The following ARHGAP25 variants were observed in gnomAD, a reference collection of about 807,000 sequenced individuals.
The protein encoded by ARHGAP25 is rho GTPase-activating protein 25.
Under a neutral mutation model 71.0 loss-of-function variants are expected in ARHGAP25, and 34 were observed. The ratio of observed to expected loss-of-function variants is 0.48; its 90% CI spans 0.36 to 0.64. The LOEUF (loss-of-function observed/expected upper bound fraction) is 0.64, where lower values mean the gene tolerates loss of function less well. ARHGAP25 is among the 30% of genes least tolerant of loss of function. The probability of loss-of-function intolerance (pLI) is 0.00; values close to 1 mark genes in which losing one functional copy is unlikely to be tolerated. For missense variants in ARHGAP25, 706 were observed against 805.1 expected, an observed-to-expected ratio of 0.88 and a Z score of 1.49; for synonymous variants, 282 against 296.5, an observed-to-expected ratio of 0.95 and a Z score of 0.50.
chr2:68,735,144 C>G lies in ARHGAP25; in HGVS notation c.-56C>G. On this transcript the variant is annotated 5_prime_UTR_variant, in exon 1 of 11. Transcript: ENST00000409202. ...GGAAAGAGTGAAAAGACAAGAAGGG[C>G]GCAAACTGTGACAGACTCACCGCTT... is the stretch of plus-strand genomic sequence containing the variant. 1 of 1,425,208 alleles carries G rather than the reference C, an allele frequency of 7.0e-7. No homozygotes were observed. The highest frequency in any genetic ancestry group is 9.9e-7 in the Non-Finnish European group (1 of 1,008,482). The allele number at this position is 1,425,208 out of a possible 1,614,324, so 88.3% of individuals were successfully genotyped here.
At chr2:68,775,453 G>A (rs550691367) in intron 2 of ARHGAP25, 33 bp downstream of exon 2, 4 of 1,613,352 alleles carry the variant, frequency 2.5e-6, no homozygotes, top group African/African-American at 2.7e-5. Context: ...CGTTCATAAG[G>A]CACGGAGGAG....
At chr2:68,727,365 C>G (rs879743981) in intron 2 of ARHGAP25, among the ~76,000 whole-genome samples, 3 of 152,174 alleles carry the variant, frequency 2.0e-5, no homozygotes, top group Admixed American at 2.0e-4. Flanking sequence ...CTTCTTAAAT[C>G]TATTAGAAGG....
At chr2:68,799,162 TG>T (rs1307228768) in intron 4 of ARHGAP25, among the ~76,000 whole-genome samples, 2 of 151,232 alleles carry the variant, frequency 1.3e-5, no homozygotes, top group African/African-American at 4.9e-5. Flanking sequence ...TGCCAGGGGG[TG>T]GGAGTGAATT....
chr2:68,798,599 G>A (rs1679743799), intron 4 of ARHGAP25, among the ~76,000 whole-genome samples: 1 of 151,996 alleles, frequency 6.6e-6, no homozygotes, highest in Non-Finnish European at 1.5e-5. Context: ...AAGAGCCAAG[G>A]GAAAACATAG....
At chr2:68,740,540 T>C (rs1675467078) in intron 1 of ARHGAP25, among the ~76,000 whole-genome samples, 1 of 152,180 alleles carries the variant, frequency 6.6e-6, no homozygotes. Flanking sequence ...GGGTCTCCCT[T>C]ACCACCACCA....
Position 68,735,035 on chromosome 2 carries a change from A to T in ARHGAP25, c.-165A>T. 1.5e-6 allele frequency: 1 copy of T among 667,356 alleles called. No individual in the cohort carries two copies. The highest frequency in any genetic ancestry group is 2.7e-6 in the Non-Finnish European group (1 of 370,298). 41.3% of individuals were successfully genotyped at this position (667,356 alleles called of 1,614,324 possible). ...GACCTTTCATCTAAGAGAAAGGAGGAGACACGTTGGCAAATCAGCCTCAAG... is the reference window on the plus strand; with the variant it reads ...GACCTTTCATCTAAGAGAAAGGAGGTGACACGTTGGCAAATCAGCCTCAAG... On this transcript the variant is annotated 5_prime_UTR_variant, in exon 1 of 11. Transcript: ENST00000409202.
In ARHGAP25 at chr2:68,795,380, T is replaced by C. The variant is rs567793200; in HGVS notation, c.466+7424T>C. Among the ~76,000 whole-genome samples, 18 of 152,290 alleles carry C rather than the reference T, an allele frequency of 1.2e-4. No individual in the cohort carries two copies. In the East Asian group the frequency reaches 3.3e-3, roughly 28 times the overall value. ...AGTTAGGTTGTTAATTTGTACTCTTTCTACTTTTTGATGTAGGCATTTAAT... is the reference window on the plus strand; with the variant it reads ...AGTTAGGTTGTTAATTTGTACTCTTCCTACTTTTTGATGTAGGCATTTAAT... On this transcript the variant is annotated intron_variant, in intron 4 of 10. Coordinates refer to ENST00000409202, the MANE Select transcript of ARHGAP25 (RefSeq NM_001007231.3).
Position 68,819,156 on chromosome 2 carries a change from T to C in ARHGAP25, c.1037T>C (p.Met346Thr). 6.3e-7 allele frequency: 1 copy of C among 1,587,264 alleles called. No individual in the cohort carries two copies. Among genetic ancestry groups the C allele is most frequent in the East Asian group, 2.2e-5 (1 of 44,596 alleles). ...TPQIQRVMTM[M>T]IRDHEVLFPK... ...CAGATCCAAAGAGTGATGACTATGA[T>C]GATCAGAGACCATGAAGTCCTCTTC... The change falls in exon 9 of 11, where the codon ATG becomes ACG. Residue 346 changes from methionine to threonine, a missense_variant. Met to Thr is a moderately conservative substitution (Grantham distance 81). Transcript: ENST00000409202.
chr2:68,766,145 A>G (rs1272928181), intron 1 of ARHGAP25, among the ~76,000 whole-genome samples: 1 of 152,238 alleles, frequency 6.6e-6, no homozygotes, highest in South Asian at 2.1e-4. Context: ...AGCTTTGGCA[A>G]TGGAGGGGTC....
chr2:68,766,903 T>C (rs1365739514), intron 1 of ARHGAP25, among the ~76,000 whole-genome samples: 1 of 152,224 alleles, frequency 6.6e-6, no homozygotes, highest in Non-Finnish European at 1.5e-5. Context: ...CACATAGTTA[T>C]TGGTGCCAAG....
chr2:68,819,055 G>A, intron 8 of ARHGAP25, 68 bp from the exon 9 acceptor site: 1 of 1,370,640 alleles, frequency 7.3e-7, no homozygotes, highest in Non-Finnish European at 9.9e-7. Flanking sequence ...ATCCACGGGT[G>A]GGGATCCTTG....
intron 4 of ARHGAP25, among the ~76,000 whole-genome samples, chr2:68,792,350 CA>C (rs1420529665): frequency 3.9e-5 from 6 of 152,146 alleles, no homozygotes; most frequent in Non-Finnish European, 5.9e-5. Flanking sequence ...TTAGGGTACC[CA>C]TCATCCAGAT....
chr2:68,754,573 G>A (rs1043637345), intron 1 of ARHGAP25, among the ~76,000 whole-genome samples: 10 of 152,124 alleles, frequency 6.6e-5, no homozygotes, highest in African/African-American at 2.4e-4. Flanking sequence ...TGAGCATAAC[G>A]TTTTATCTCT....
At chr2:68,713,836 A>C (rs1674547143) in intron 2 of ARHGAP25, among the ~76,000 whole-genome samples, 1 of 152,156 alleles carries the variant, frequency 6.6e-6, no homozygotes. Flanking sequence ...GAATGAAGCC[A>C]ACTTGATCAT....
At chr2:68,774,856 C>G in intron 1 of ARHGAP25, 1 of 1,236,042 alleles carries the variant, frequency 8.1e-7, no homozygotes, top group Non-Finnish European at 1.0e-6. Context: ...ATACTGACTC[C>G]CACGCAGGAA....
chr2:68,813,514 A>G (rs2103667350), intron 6 of ARHGAP25, 95 bp downstream of exon 6: 1 of 1,398,382 alleles, frequency 7.2e-7, no homozygotes, highest in South Asian at 1.4e-5. Context: ...AGGGGCCTGT[A>G]CTTTTTGGTA....
intron 2 of ARHGAP25, among the ~76,000 whole-genome samples, chr2:68,777,403 A>G (rs2104380229): frequency 6.6e-6 from 1 of 152,348 alleles, no homozygotes. Flanking sequence ...CCTGGCCTGC[A>G]TTTGTCACAG....
chr2:68,785,750 GT>G (rs1453168444), intron 3 of ARHGAP25, among the ~76,000 whole-genome samples: 1 of 152,144 alleles, frequency 6.6e-6, no homozygotes, highest in African/African-American at 2.4e-5. Flanking sequence ...TTTGAGTTGG[GT>G]TTTAAAGAAT....
intron 2 of ARHGAP25, among the ~76,000 whole-genome samples, chr2:68,781,728 G>A (rs2311411): frequency 0.4 from 61,017 of 151,986 alleles, 12,664 homozygotes; most frequent in Non-Finnish European, 0.43. Context: ...ACTTTCCTTA[G>A]AGGACTGCTG....
Sources: allele counts gnomAD v4.1 joint callset (sites outside exome capture counted in the v4.1 genomes callset), GRCh38; gene constraint gnomAD v4.1.1; transcripts MANE v1.5; gene names NCBI Gene and HGNC (gene_info 2026-07-23, HGNC 2026-07-21).